The following GRIN2A variants were observed in gnomAD, a reference collection of about 807,000 sequenced individuals.
GRIN2A encodes glutamate receptor ionotropic, NMDA 2A.
In GRIN2A, 22 loss-of-function variants were observed where a neutral mutation model predicts 113.4. That is an observed-to-expected ratio of 0.19 (90% CI 0.14 to 0.28). GRIN2A has a LOEUF of 0.28. Among genes scored for constraint, GRIN2A ranks in the 10% least tolerant of loss-of-function variants. The pLI, the probability that GRIN2A is intolerant of heterozygous loss-of-function variation, is 1.00. For missense variants in GRIN2A, 1,502 were observed against 1,887.0 expected, an observed-to-expected ratio of 0.80 and a Z score of 3.78; for synonymous variants, 827 against 738.4, an observed-to-expected ratio of 1.12 and a Z score of -1.94.
intron 2 of GRIN2A, among the ~76,000 whole-genome samples, chr16:10,153,096 T>C (rs1008586701): frequency 6.6e-6 from 1 of 152,194 alleles, no homozygotes; most frequent in African/African-American, 2.4e-5. Context: ...CTTTAGGCGA[T>C]AATTTTGTGT....
chr16:10,144,162 C>T (rs1354165369), intron 2 of GRIN2A, among the ~76,000 whole-genome samples: 1 of 152,024 alleles, frequency 6.6e-6, no homozygotes, highest in Non-Finnish European at 1.5e-5. Context: ...CTTTTAATTG[C>T]AAAAACCACA....
chr16:9,895,731 A>G lies in GRIN2A; in HGVS notation c.1008-4631T>C, dbSNP rs192476528. On this transcript the variant is annotated intron_variant, in intron 3 of 12. Transcript: ENST00000330684. ...AGCTAGCGAAAATAAGTTACCAGTC[A>G]CTCTGTACCTGCTGCCCTAAGTTGA... Among the ~76,000 whole-genome samples, 793 of 152,206 alleles carry G rather than the reference A, an allele frequency of 5.2e-3. 8 individuals are homozygous for G. The highest frequency in any genetic ancestry group is 0.018 in the African/African-American group (768 of 41,530).
At chr16:9,989,635 A>G (rs1178874476) in intron 2 of GRIN2A, among the ~76,000 whole-genome samples, 1 of 152,204 alleles carries the variant, frequency 6.6e-6, no homozygotes, top group African/African-American at 2.4e-5. Flanking sequence ...TTTGCAAACT[A>G]GGTATCCAAC....
Position 9,761,750 on chromosome 16 carries a change from T to C in GRIN2A, c.*1399A>G, listed in dbSNP as rs1459653238. 4 of 215,198 alleles carry C rather than the reference T, an allele frequency of 1.9e-5. No individual in the cohort carries two copies. In the East Asian group the frequency reaches 2.8e-4, roughly 15 times the overall value. The allele number at this position is 215,198 out of a possible 1,614,324, so 13.3% of individuals were successfully genotyped here. A position where few individuals can be genotyped will look rare whatever the true frequency, so the allele number is the denominator to read the frequency against. On this transcript the variant is annotated 3_prime_UTR_variant, in exon 13 of 13. Coordinates refer to ENST00000330684, the MANE Select transcript of GRIN2A (RefSeq NM_001134407.3). ...AATGGATATCATTTCATGTCATATA[T>C]GCACAGGTTTGAGGAGAATAAGAAT... is the stretch of plus-strand genomic sequence containing the variant.
At chr16:9,884,398 A>G (rs2043548468) in intron 4 of GRIN2A, among the ~76,000 whole-genome samples, 1 of 152,066 alleles carries the variant, frequency 6.6e-6, no homozygotes, top group African/African-American at 2.4e-5. Flanking sequence ...AAAACACAAA[A>G]GTTAGCCAGG....
intron 2 of GRIN2A, among the ~76,000 whole-genome samples, chr16:10,009,392 G>A (rs1252367696): frequency 6.6e-6 from 1 of 152,158 alleles, no homozygotes; most frequent in East Asian, 1.9e-4. Context: ...GTGAGGATTA[G>A]GAGCTAAGAA....
At chr16:9,850,875 C>A (rs2042871302) in intron 4 of GRIN2A, among the ~76,000 whole-genome samples, 1 of 152,150 alleles carries the variant, frequency 6.6e-6, no homozygotes, top group South Asian at 2.1e-4. Context: ...CTTATTGGCG[C>A]TATTCACATA....
chr16:10,046,469 C>T (rs56223226), intron 2 of GRIN2A, among the ~76,000 whole-genome samples: 3,605 of 152,086 alleles, frequency 0.024, 160 homozygotes, highest in African/African-American at 0.083. Context: ...GGTTTTGTTA[C>T]TTGCAGCCAA....
rs556672198 is a variant in GRIN2A at position 9,781,426 on chromosome 16, A to C, written c.2357-12337T>G. ...CCCATGCTGGAGTGCAGTGGAAGGA[A>C]CACTGCTCTCTGCAGCCTCAACCTC... On this transcript the variant is annotated intron_variant, in intron 11 of 12. Coordinates refer to ENST00000330684, the MANE Select transcript of GRIN2A (RefSeq NM_001134407.3). Among the ~76,000 whole-genome samples, 63 of 152,264 alleles carry C rather than the reference A, an allele frequency of 4.1e-4. 1 individual carries two copies. Among genetic ancestry groups the C allele is most frequent in the African/African-American group, 1.4e-3 (57 of 41,566 alleles).
In GRIN2A at chr16:10,086,271, G is replaced by A. The variant is rs557547985; in HGVS notation, c.414+93727C>T. 4.1e-4 allele frequency among the ~76,000 whole-genome samples: 62 copies of A among 152,264 alleles called. No individual in the cohort carries two copies. The South Asian group carries it at 0.012, about 31-fold the overall frequency. On this transcript the variant is annotated intron_variant, in intron 2 of 12. Transcript: ENST00000330684. ...TGACAATAAGTACATCAAAGCTAGG[G>A]TGCCACAGTGACACTGCCATCAGCT...
chr16:10,171,409 A>G (rs1027742654), intron 2 of GRIN2A: 2 of 152,250 alleles, frequency 1.3e-5, no homozygotes, highest in African/African-American at 2.4e-5. Context: ...TCGTGCAAAC[A>G]TATGGTCCAG....
intron 3 of GRIN2A, among the ~76,000 whole-genome samples, chr16:9,914,399 A>G (rs377463775): frequency 1.4e-4 from 22 of 152,310 alleles, no homozygotes; most frequent in African/African-American, 5.3e-4. Flanking sequence ...TCTATTTCAG[A>G]TAACAAAATT....
At chr16:10,034,683 C>T (rs2046993172) in intron 2 of GRIN2A, among the ~76,000 whole-genome samples, 1 of 140,956 alleles carries the variant, frequency 7.1e-6, no homozygotes, top group African/African-American at 2.6e-5. Flanking sequence ...TGGAAGAAAA[C>T]TGGTCTATCT....
chr16:9,850,218 C>A (rs1235631603), intron 4 of GRIN2A, among the ~76,000 whole-genome samples: 2 of 152,196 alleles, frequency 1.3e-5, no homozygotes, highest in Non-Finnish European at 2.9e-5. Flanking sequence ...GGCACTGATA[C>A]CTTTACAGCC....
Position 9,891,007 on chromosome 16 carries a change from G to C in GRIN2A, c.1101C>G (p.Asn367Lys), listed in dbSNP as rs777206280. 6.2e-7 allele frequency: 1 copy of C among 1,610,296 alleles called. No individual in the cohort carries two copies. Among genetic ancestry groups the C allele is most frequent in the Non-Finnish European group, 8.5e-7 (1 of 1,176,596 alleles). ...TCACCTTTTCCCATTCCCGGTCTTT[G>C]TTCAGCACAATCACCACCAGCCTGG... The part of the protein sequence containing the change: ...VHPRLVVIVL[N>K]KDREWEKVGK... The change falls in exon 4 of 13, where the codon AAC (asparagine) becomes AAG (lysine). Residue 367 changes from asparagine (N) to lysine (K), a missense_variant. Physicochemically the swap from Asn to Lys is moderately conservative, Grantham distance 94. Coordinates refer to ENST00000330684, the MANE Select transcript of GRIN2A (RefSeq NM_001134407.3).
At chr16:9,939,737 A>G (rs182950226) in intron 2 of GRIN2A, among the ~76,000 whole-genome samples, 4 of 152,238 alleles carry the variant, frequency 2.6e-5, no homozygotes, top group Admixed American at 6.5e-5. Flanking sequence ...CTGACACTCA[A>G]TCACAGTCTT....
chr16:9,757,499 A>T lies in GRIN2A; in HGVS notation c.*5650T>A, dbSNP rs1900399646. 10 of 228,150 alleles carry T rather than the reference A, an allele frequency of 4.4e-5. No homozygotes were observed. The East Asian group carries it at 6.2e-4, about 14-fold the overall frequency. The allele number at this position is 228,150 out of a possible 1,614,324, so 14.1% of individuals were successfully genotyped here. A position where few individuals can be genotyped will look rare whatever the true frequency, so the allele number is the denominator to read the frequency against. ...TGGGTCCTTGGTTATCCTTTGTATT[A>T]GAGAACTGAACTTCTAAACCATAAG... On this transcript the variant is annotated 3_prime_UTR_variant, in exon 13 of 13. Coordinates refer to ENST00000330684, the MANE Select transcript of GRIN2A (RefSeq NM_001134407.3).
intron 3 of GRIN2A, among the ~76,000 whole-genome samples, chr16:9,918,327 T>G (rs1227922469): frequency 6.6e-6 from 1 of 152,248 alleles, no homozygotes; most frequent in Non-Finnish European, 1.5e-5. Flanking sequence ...CAGAACTGTG[T>G]ATGTATCATG....
intron 2 of GRIN2A, among the ~76,000 whole-genome samples, chr16:9,999,353 A>G (rs2046282352): frequency 6.6e-6 from 1 of 152,230 alleles, no homozygotes; most frequent in Non-Finnish European, 1.5e-5. Flanking sequence ...CAAGCTGTCC[A>G]TCAATGAGAC....
Sources: allele counts gnomAD v4.1 joint callset (sites outside exome capture counted in the v4.1 genomes callset), GRCh38; gene constraint gnomAD v4.1.1; transcripts MANE v1.5; gene names NCBI Gene and HGNC (gene_info 2026-07-23, HGNC 2026-07-21).